The following GBP7 variants were observed in gnomAD, a reference collection of about 807,000 sequenced individuals.
GBP7 encodes guanylate binding protein 7.
Under a neutral mutation model 61.3 loss-of-function variants are expected in GBP7, and 43 were observed. The observed-to-expected ratio is 0.70, with a 90% CI of 0.55 to 0.91. The LOEUF is 0.91. Ranked by LOEUF, GBP7 falls within the 40% of genes least tolerant of loss-of-function variation. The pLI is 0.00. For missense variants in GBP7, 717 were observed against 740.5 expected (o/e 0.97, Z 0.37); for synonymous variants, 267 against 271.0 (o/e 0.99, Z 0.14).
At chr1:89,162,623 C>T (rs1647308887) in intron 3 of GBP7, among the ~76,000 whole-genome samples, 1 of 152,194 alleles carries the variant, frequency 6.6e-6, no homozygotes, top group South Asian at 2.1e-4. Context: ...TATCCTGAGA[C>T]TTTGCTGAAG....
In GBP7 at chr1:89,147,726, A is replaced by T. The variant is rs1458764141; in HGVS notation, c.1206T>A (p.Ser402=). ...TAAGCTCAGCCTGACAATATTTGGCAGATGCCTCTTCATTCTGCAGCACAA... is the reference window on the plus strand; with the variant it reads ...TAAGCTCAGCCTGACAATATTTGGCTGATGCCTCTTCATTCTGCAGCACAA... ...EDFVLQNEEA[S]AKYCQAELKR... is the part of the protein sequence containing the mutation. The change falls in exon 8 of 11, where the codon TCT becomes TCA. Residue 402 remains serine (S), a synonymous_variant. Coordinates refer to ENST00000294671, the MANE Select transcript of GBP7 (RefSeq NM_207398.3). The T allele has an allele frequency of 3.1e-6, 5 of 1,614,096 alleles. No homozygotes were observed. The highest frequency in any genetic ancestry group is 3.3e-5 in the Admixed American group (2 of 60,000).
rs71084939 is a variant in GBP7, at chr1:89,144,952, C to CTTT, written c.1365+2612_1365+2614dup. On this transcript the variant is annotated intron_variant, in intron 8 of 10. Coordinates refer to ENST00000294671, the MANE Select transcript of GBP7 (RefSeq NM_207398.3). ...ACTCTCTGTTAATGTGACTTTCACT[C>CTTT]TTTTTTTTTTTTTTTTTTTGAGACG... Among the ~76,000 whole-genome samples, 2 of 99,130 alleles carry CTTT rather than the reference C, an allele frequency of 2.0e-5. 1 individual carries two copies. Among genetic ancestry groups the CTTT allele is most frequent in the South Asian group, 6.7e-4 (2 of 3,004 alleles). The allele number at this position is 99,130 out of a possible 152,430, so 65.0% of individuals were successfully genotyped here.
intron 2 of GBP7, among the ~76,000 whole-genome samples, chr1:89,171,074 A>G (rs1324951299): frequency 1.3e-5 from 2 of 152,168 alleles, no homozygotes; most frequent in Non-Finnish European, 2.9e-5. Flanking sequence ...TATAGCATGC[A>G]TTTCCAGAAT....
chr1:89,138,728 C>A (rs1178235825), intron 9 of GBP7, among the ~76,000 whole-genome samples: 1 of 151,754 alleles, frequency 6.6e-6, no homozygotes, highest in Non-Finnish European at 1.5e-5. Flanking sequence ...ATAAAACCAC[C>A]AAAAGAAAAC....
chr1:89,162,094 C>T (rs1165191647), intron 3 of GBP7, among the ~76,000 whole-genome samples: 3 of 146,690 alleles, frequency 2.0e-5, no homozygotes, highest in Non-Finnish European at 3.0e-5. Context: ...GTTGTGCAGT[C>T]TTAAATTCTG....
Position 89,132,060 on chromosome 1 carries a change from T to G in GBP7, c.*89A>C. Reference sequence around the variant, plus strand: ...ATAATATTCTTTGAAATTTGCTTTTTAATTTTAAACTTTTCTTAAATGAAA... The same window carrying G: ...ATAATATTCTTTGAAATTTGCTTTTGAATTTTAAACTTTTCTTAAATGAAA... On this transcript the variant is annotated 3_prime_UTR_variant, in exon 11 of 11. Transcript: ENST00000294671. 8.6e-7 allele frequency: 1 copy of G among 1,169,188 alleles called. No individual in the cohort carries two copies. The highest frequency in any genetic ancestry group is 1.9e-5 in the South Asian group (1 of 53,400). The allele number at this position is 1,169,188 out of a possible 1,614,324, so 72.4% of individuals were successfully genotyped here.
chr1:89,148,281 C>G (rs1682113077), intron 7 of GBP7, among the ~76,000 whole-genome samples: 1 of 152,208 alleles, frequency 6.6e-6, no homozygotes, highest in African/African-American at 2.4e-5. Flanking sequence ...TCAATATGTA[C>G]TAAGGGATTT....
At chr1:89,175,854 A>T (rs1421567413) in intron 1 of GBP7, 67 bp downstream of exon 1, 1 of 152,186 alleles carries the variant, frequency 6.6e-6, no homozygotes, top group Non-Finnish European at 1.5e-5. Flanking sequence ...TATCTTGGGG[A>T]TGGTCAACTT....
chr1:89,149,209 T>G, intron 7 of GBP7, 83 bp downstream of exon 7: 1 of 1,192,424 alleles, frequency 8.4e-7, no homozygotes, highest in Non-Finnish European at 1.2e-6. Flanking sequence ...AAGAAGGAGA[T>G]GAACCATGGC....
At chr1:89,140,631 G>A (rs186113805) in intron 9 of GBP7, among the ~76,000 whole-genome samples, 311 of 152,270 alleles carry the variant, frequency 2.0e-3, no homozygotes, top group Non-Finnish European at 2.7e-3. Flanking sequence ...ACTGTGGAAA[G>A]CAGTTTGGAG....
At chr1:89,151,680 G>C (rs149394174) in intron 5 of GBP7, among the ~76,000 whole-genome samples, 100 of 152,146 alleles carry the variant, frequency 6.6e-4, no homozygotes, top group African/African-American at 2.3e-3. Flanking sequence ...AATGAAGTAG[G>C]TGATGTTATG....
intron 9 of GBP7, among the ~76,000 whole-genome samples, chr1:89,139,509 A>G (rs1385987557): frequency 6.6e-6 from 1 of 152,202 alleles, no homozygotes; most frequent in Non-Finnish European, 1.5e-5. Flanking sequence ...TGAACAGGCA[A>G]CCTACAAAAT....
intron 9 of GBP7, among the ~76,000 whole-genome samples, chr1:89,138,380 A>C (rs958822626): frequency 1.3e-5 from 2 of 152,184 alleles, no homozygotes; most frequent in African/African-American, 4.8e-5. Flanking sequence ...CAAAAAGAAC[A>C]AAGCCAGAGA....
intron 5 of GBP7, among the ~76,000 whole-genome samples, chr1:89,150,964 C>G (rs764909841): frequency 6.6e-6 from 1 of 152,128 alleles, no homozygotes; most frequent in African/African-American, 2.4e-5. Context: ...GGCGTTATAA[C>G]ATGATGTTTC....
chr1:89,158,012 C>A (rs929151354), intron 3 of GBP7, among the ~76,000 whole-genome samples: 4 of 152,136 alleles, frequency 2.6e-5, no homozygotes, highest in African/African-American at 9.7e-5. Flanking sequence ...GTGTATCCAC[C>A]ACGATCAAGT....
chr1:89,136,004 G>A (rs1681792847), intron 9 of GBP7, among the ~76,000 whole-genome samples: 1 of 152,106 alleles, frequency 6.6e-6, no homozygotes, highest in African/African-American at 2.4e-5. Context: ...AAGAGCAGGG[G>A]TTGCTATTCT....
At chr1:89,170,934 A>C (rs1214161751) in intron 2 of GBP7, among the ~76,000 whole-genome samples, 1 of 152,240 alleles carries the variant, frequency 6.6e-6, no homozygotes, top group Non-Finnish European at 1.5e-5. Context: ...GCTAATGCAC[A>C]TGTCCCCACC....
chr1:89,149,229 G>T, intron 7 of GBP7, 63 bp downstream of exon 7: 1 of 1,385,256 alleles, frequency 7.2e-7, no homozygotes, highest in South Asian at 1.5e-5. Context: ...CATTAAAAAG[G>T]TGGACTATAA....
rs1226123820 is a variant in GBP7 at position 89,132,150 on chromosome 1, C to G, written c.1916G>C (p.Ter639SerextTer5). The change falls in exon 11 of 11, where the codon TGA (stop) becomes TCA (serine). Residue 639 changes from the stop codon to serine (S), a stop_lost. Coordinates refer to ENST00000294671, the MANE Select transcript of GBP7 (RefSeq NM_207398.3). ...LRNPGKKIIS* is the reference protein window; with the variant it reads ...LRNPGKKIISS ...TATACCATTTTAACAAAAGAAACCT[C>G]AGCTTATAATTTTCTTACCAGGATT... 2 of 1,600,720 alleles carry G rather than the reference C, an allele frequency of 1.2e-6. No homozygotes were observed. The highest frequency in any genetic ancestry group is 1.4e-5 in the African/African-American group (1 of 74,008).
Sources: allele counts gnomAD v4.1 joint callset (sites outside exome capture counted in the v4.1 genomes callset), GRCh38; gene constraint gnomAD v4.1.1; transcripts MANE v1.5; gene names NCBI Gene and HGNC (gene_info 2026-07-23, HGNC 2026-07-21).